Variants in RAD18 observed in about 807,000 individuals in gnomAD.
The protein encoded by RAD18 is E3 ubiquitin-protein ligase RAD18.
RAD18 carries 47 observed loss-of-function variants against 60.4 expected under a neutral mutation model. The observed-to-expected ratio is 0.78, with a 90% CI of 0.62 to 0.99. The LOEUF (loss-of-function observed/expected upper bound fraction) is 0.99. Ranked by LOEUF, RAD18 falls within the 50% of genes least tolerant of loss-of-function variation. The pLI, the probability that RAD18 is intolerant of heterozygous loss-of-function variation, is 0.00. For missense variants in RAD18, 640 were observed against 593.3 expected (o/e 1.08, Z -0.82); for synonymous variants, 225 against 195.5 (o/e 1.15, Z -1.26).
At position 8,902,416 on chromosome 3, in the gene RAD18, C is replaced by T. The variant is rs772581373; in HGVS notation, c.1132G>A (p.Asp378Asn). The change falls in exon 10 of 13, where the codon GAT (aspartate) becomes AAT (asparagine). Residue 378 changes from aspartate to asparagine, a missense_variant. Transcript: ENST00000264926. ...SQKTVTITKE[D>N]ESTEKLSSVC... ...GAAGATAGCTTTTCTGTAGATTCAT[C>T]TTCTTTTGTTATTGTTACTGTTTTT... 4 of 1,609,134 alleles carry T rather than the reference C, an allele frequency of 2.5e-6. No individual in the cohort carries two copies. The South Asian group carries it at 4.4e-5, about 18-fold the overall frequency.
intron 11 of RAD18, among the ~76,000 whole-genome samples, chr3:8,897,675 G>T (rs149692082): frequency 6.6e-6 from 1 of 152,132 alleles, no homozygotes; most frequent in Non-Finnish European, 1.5e-5. Flanking sequence ...AAGTTTCAGC[G>T]TCATTAAATA....
chr3:8,900,830 G>A (rs1233191391), intron 10 of RAD18, among the ~76,000 whole-genome samples: 3 of 152,054 alleles, frequency 2.0e-5, no homozygotes, highest in Admixed American at 6.5e-5. Context: ...TTCATGCACA[G>A]CAATCTAAAA....
intron 7 of RAD18, among the ~76,000 whole-genome samples, chr3:8,923,663 A>C (rs911571752): frequency 3.9e-5 from 6 of 152,194 alleles, no homozygotes; most frequent in African/African-American, 1.4e-4. Flanking sequence ...GCAGCCAGAG[A>C]GAAAGGTCGG....
At position 8,948,565 on chromosome 3, in the gene RAD18, A is replaced by G. The variant is rs1940874832; in HGVS notation, c.139T>C (p.Ser47Pro). 3.7e-6 allele frequency: 6 copies of G among 1,610,418 alleles called. No homozygotes were observed. The highest frequency in any genetic ancestry group is 1.7e-4 in the Middle Eastern group (1 of 6,046). Residue 47 changes from serine (S) to proline (P), a missense_variant, in exon 3 of 13, where the codon TCT becomes CCT. Coordinates refer to ENST00000264926, the MANE Select transcript of RAD18 (RefSeq NM_020165.4). ...GACAGAAATTTTCTTATACAGAGAG[A>G]GCAGTCTGCAAAACACAAAGTGCAA... ...IIPQCSHNYC[S>P]LCIRKFLSYK...
Position 8,890,426 on chromosome 3 carries a change from G to C in RAD18, c.1348C>G (p.Leu450Val), listed in dbSNP as rs1157969536. The change falls in exon 12 of 13, where the codon CTT becomes GTT. Residue 450 changes from leucine (L) to valine (V), a missense_variant. By Grantham distance (32) the Leu-to-Val change is conservative. Coordinates refer to ENST00000264926, the MANE Select transcript of RAD18 (RefSeq NM_020165.4). The stretch of plus-strand genomic sequence containing the variant: ...TCCCAGGCTTCCTCTTCTTCTAAAA[G>C]ATCTCTTATGATGTCTGAACTGGAA... ...NSSSSDIIRD[L>V]LEEEEAWEAS... 1.3e-6 allele frequency: 2 copies of C among 1,593,660 alleles called. No homozygotes were observed. Among genetic ancestry groups the C allele is most frequent in the South Asian group, 1.1e-5 (1 of 90,624 alleles).
rs139030379 is a variant in RAD18 at position 8,913,873 on chromosome 3, A to T, written c.890-153T>A. On this transcript the variant is annotated intron_variant, in intron 7 of 12. Transcript: ENST00000264926. ...TTTACAATTTTTCTGTGAATCAATT[A>T]CCATTTCAAAACAAAAGGTTAAAAA... is the stretch of plus-strand genomic sequence containing the variant. Among the ~76,000 whole-genome samples the T allele has an allele frequency of 5.3e-4, 80 of 152,328 alleles. 1 individual carries two copies. The highest frequency in any genetic ancestry group is 1.8e-3 in the Admixed American group (27 of 15,300).
At chr3:8,930,051 C>A (rs1940523841) in intron 7 of RAD18, among the ~76,000 whole-genome samples, 1 of 152,178 alleles carries the variant, frequency 6.6e-6, no homozygotes, top group African/African-American at 2.4e-5. Flanking sequence ...TACCATACTA[C>A]TCAGCAATTC....
intron 7 of RAD18, among the ~76,000 whole-genome samples, chr3:8,915,065 C>A (rs1046050388): frequency 1.4e-4 from 20 of 145,174 alleles, no homozygotes; most frequent in Non-Finnish European, 2.2e-4. Flanking sequence ...AGGAGAATGG[C>A]GTGAACCCGG....
At chr3:8,887,765 G>C (rs9844398) in intron 12 of RAD18, among the ~76,000 whole-genome samples, 76 of 152,328 alleles carry the variant, frequency 5.0e-4, no homozygotes, top group African/African-American at 1.8e-3. Context: ...TTGTGTGGGT[G>C]TGTTTCCTAT....
At chr3:8,940,435 T>C (rs777675758) in intron 5 of RAD18, among the ~76,000 whole-genome samples, 4 of 152,150 alleles carry the variant, frequency 2.6e-5, no homozygotes, top group Non-Finnish European at 2.9e-5. Flanking sequence ...AGGATAGACA[T>C]AGTAGAAAAT....
chr3:8,945,812 A>G (rs528150851), intron 4 of RAD18, among the ~76,000 whole-genome samples: 4 of 152,334 alleles, frequency 2.6e-5, no homozygotes, highest in Admixed American at 2.6e-4. Context: ...GGAAAAAATA[A>G]TAACAATTTT....
intron 11 of RAD18, among the ~76,000 whole-genome samples, chr3:8,898,019 C>A (rs561842690): frequency 1.1e-4 from 16 of 152,062 alleles, no homozygotes; most frequent in African/African-American, 2.9e-4. Context: ...TTGCAGTGAG[C>A]CGAAATCGCA....
chr3:8,882,335 T>C (rs1252785906), intron 12 of RAD18, among the ~76,000 whole-genome samples: 6 of 152,122 alleles, frequency 3.9e-5, no homozygotes, highest in Non-Finnish European at 8.8e-5. Flanking sequence ...AAAGATTCAC[T>C]GCTGCAGGGG....
intron 11 of RAD18, among the ~76,000 whole-genome samples, chr3:8,897,745 A>G (rs1939816720): frequency 6.6e-6 from 1 of 152,210 alleles, no homozygotes; most frequent in South Asian, 2.1e-4. Flanking sequence ...CAATTCATTC[A>G]GAGGGCAATG....
chr3:8,908,687 C>T (rs1940056343), intron 9 of RAD18, among the ~76,000 whole-genome samples: 1 of 152,090 alleles, frequency 6.6e-6, no homozygotes, highest in African/African-American at 2.4e-5. Flanking sequence ...CCCTAGCACA[C>T]TAATAAAAAC....
At position 8,881,177 on chromosome 3, in the gene RAD18, G is replaced by A; in HGVS notation, c.*180C>T. The A allele has an allele frequency of 7.0e-6, 4 of 573,314 alleles. No individual in the cohort carries two copies. The South Asian group carries it at 8.8e-5, about 13-fold the overall frequency. The allele number at this position is 573,314 out of a possible 1,614,324, so 35.5% of individuals were successfully genotyped here. A position where few individuals can be genotyped will look rare whatever the true frequency, so the allele number is the denominator to read the frequency against. On this transcript the variant is annotated 3_prime_UTR_variant, in exon 13 of 13. Coordinates refer to ENST00000264926, the MANE Select transcript of RAD18 (RefSeq NM_020165.4). Reference sequence around the variant, plus strand: ...TTAGAGGCAGGAGGCAACTGACCAAGTAAGGATATTTTGTAACATTTTTCC... The same window carrying A: ...TTAGAGGCAGGAGGCAACTGACCAAATAAGGATATTTTGTAACATTTTTCC...
chr3:8,953,682 T>C (rs905100696), intron 2 of RAD18, among the ~76,000 whole-genome samples: 2 of 152,110 alleles, frequency 1.3e-5, no homozygotes, highest in African/African-American at 2.4e-5. Flanking sequence ...CAACAATGAA[T>C]TAAAGAGTAG....
At chr3:8,890,842 C>T (rs1289899747) in intron 11 of RAD18, among the ~76,000 whole-genome samples, 1 of 152,130 alleles carries the variant, frequency 6.6e-6, no homozygotes, top group South Asian at 2.1e-4. Context: ...AAAGCTGAAG[C>T]TGTTTTAACC....
intron 6 of RAD18, among the ~76,000 whole-genome samples, chr3:8,936,848 G>A (rs1559790091): frequency 6.6e-6 from 1 of 152,178 alleles, no homozygotes. Flanking sequence ...CAGGTCTGAA[G>A]TGGAGCTCTA....
Sources: allele counts gnomAD v4.1 joint callset (sites outside exome capture counted in the v4.1 genomes callset), GRCh38; gene constraint gnomAD v4.1.1; transcripts MANE v1.5; gene names NCBI Gene and HGNC (gene_info 2026-07-23, HGNC 2026-07-21).